Variants in KIAA1210 observed in about 807,000 individuals in gnomAD.
KIAA1210 encodes KIAA1210.
KIAA1210 carries 48 observed loss-of-function variants against 78.9 expected under a neutral mutation model. That is an observed-to-expected ratio of 0.61 (90% confidence interval 0.48 to 0.77). The LOEUF is 0.77. Among genes scored for constraint, KIAA1210 ranks in the 30% least tolerant of loss-of-function variants. The pLI, the probability that KIAA1210 is intolerant of heterozygous loss-of-function variation, is 0.00. For synonymous variants in KIAA1210, 406 were observed against 404.5 expected (o/e 1.00, Z -0.04); for missense variants, 1,108 against 1,100.0 (o/e 1.01, Z -0.10).
chrX:119,087,396 T>G lies in KIAA1210; in HGVS notation c.3306A>C (p.Ser1102=). ...PEDPQKVFSY[S]ERAPGKCSSF... ...TGCTGCACTTCCCAGGAGCTCTCTC[T>G]GAATAAGAGAAAACTTTCTGTGGGT... The change falls in exon 9 of 12, where the codon TCA becomes TCC. Residue 1102 remains serine, a synonymous_variant. Coordinates refer to ENST00000691062, the MANE Select transcript of KIAA1210 (RefSeq NM_001394962.1). 1 of 1,211,314 alleles carries G rather than the reference T, an allele frequency of 8.3e-7. No individual in the cohort carries two copies. The highest frequency in any genetic ancestry group is 1.1e-6 in the Non-Finnish European group (1 of 895,162).
chrX:119,144,450 G>A (rs757229450), intron 2 of KIAA1210, among the ~76,000 whole-genome samples: 6 of 112,327 alleles, frequency 5.3e-5, no homozygotes, highest in Non-Finnish European at 1.1e-4. Context: ...GTACTCTTCA[G>A]AGCACAACCC....
At chrX:119,092,675 T>G (rs761740364) in intron 8 of KIAA1210, among the ~76,000 whole-genome samples, 17 of 109,118 alleles carry the variant, frequency 1.6e-4, no homozygotes, top group East Asian at 5.7e-4. Flanking sequence ...GCAGGAGAAT[T>G]GCTTGAACTA....
intron 2 of KIAA1210, among the ~76,000 whole-genome samples, chrX:119,121,936 T>A (rs1928474496): frequency 9.4e-6 from 1 of 106,231 alleles, no homozygotes; most frequent in African/African-American, 3.4e-5. Flanking sequence ...GCCCAGCTAA[T>A]TTTTTGTATT....
Position 119,116,653 on chromosome X carries a change from A to G in KIAA1210, c.73T>C (p.Cys25Arg). 2.5e-6 allele frequency: 3 copies of G among 1,200,369 alleles called. No homozygotes were observed. The highest frequency in any genetic ancestry group is 1.8e-5 in the South Asian group (1 of 55,221). The change falls in exon 3 of 12, where the codon TGC becomes CGC. Residue 25 changes from cysteine (C) to arginine (R), a missense_variant. Transcript: ENST00000691062. ...AAGCTCTTAAGGGCTTTAAATTTGC[A>G]TTTCTTCTTTCCTGGAAGTGAAAAA... Reference protein sequence around the residue: ...LEAGDEGKKKCKFKALKSFFV... With the variant: ...LEAGDEGKKKRKFKALKSFFV...
intron 10 of KIAA1210, 89 bp downstream of exon 10, chrX:119,085,294 G>T: frequency 1.2e-6 from 1 of 827,437 alleles, no homozygotes; most frequent in Non-Finnish European, 1.7e-6. Context: ...GAGAGGGGGA[G>T]CTGCATGTTG....
intron 4 of KIAA1210, 63 bp from the exon 5 acceptor site, chrX:119,108,534 T>C: frequency 6.1e-6 from 7 of 1,142,424 alleles, no homozygotes; most frequent in Non-Finnish European, 8.2e-6. Flanking sequence ...CAGTGGAATG[T>C]TGCTGCCAAA....
At chrX:119,137,677 AT>A (rs1013798553) in intron 2 of KIAA1210, among the ~76,000 whole-genome samples, 26 of 111,903 alleles carry the variant, frequency 2.3e-4, no homozygotes, top group African/African-American at 7.5e-4. Flanking sequence ...ACATTATGAG[AT>A]TTTTTTTACA....
chrX:119,093,597 C>A, intron 8 of KIAA1210, 70 bp downstream of exon 8: 1 of 790,741 alleles, frequency 1.3e-6, no homozygotes. Flanking sequence ...GGGTATAGCT[C>A]CTATCAACAT....
At chrX:119,126,880 G>T (rs1316369054) in intron 1 of KIAA1210, among the ~76,000 whole-genome samples, 1 of 111,603 alleles carries the variant, frequency 9.0e-6, no homozygotes, top group Non-Finnish European at 1.9e-5. Context: ...AGACCAGCCT[G>T]GGCAACATGG....
rs943186920 is a variant in KIAA1210, at chrX:119,094,821, G to A, written c.847-1046C>T. 1.8e-4 allele frequency among the ~76,000 whole-genome samples: 20 copies of A among 111,305 alleles called. No individual in the cohort carries two copies. The Admixed American group carries it at 1.8e-3, about 10-fold the overall frequency. On this transcript the variant is annotated intron_variant, in intron 7 of 11. Coordinates refer to ENST00000691062, the MANE Select transcript of KIAA1210 (RefSeq NM_001394962.1). ...TGGCCTTCTCAGAGGGTAATGCCCGGGCTTTTTCTCAACTAGGCTATACAG... is the reference window on the plus strand; with the variant it reads ...TGGCCTTCTCAGAGGGTAATGCCCGAGCTTTTTCTCAACTAGGCTATACAG...
chrX:119,085,396 T>A lies in KIAA1210; in HGVS notation c.4307A>T (p.Glu1436Val), dbSNP rs1228276067. 8.3e-7 allele frequency: 1 copy of A among 1,209,710 alleles called. No individual in the cohort carries two copies. Among genetic ancestry groups the A allele is most frequent in the South Asian group, 1.8e-5 (1 of 56,382 alleles). Residue 1436 changes from glutamate to valine, a missense_variant, in exon 10 of 12, where the codon GAG (glutamate) becomes GTG (valine). Glu to Val is a moderately radical substitution (Grantham distance 121, BLOSUM62 -2). This residue lies in a region of KIAA1210 where 245 missense variants were observed against 278.8 expected (regional missense o/e 0.88). Transcript: ENST00000691062. ...CCCAGGTCCTACCTCATATTTAGGCTCCTTAGTCTCAGCATCGGCTCCAGC... is the reference window on the plus strand; with the variant it reads ...CCCAGGTCCTACCTCATATTTAGGCACCTTAGTCTCAGCATCGGCTCCAGC... ...SNAGADAETK[E>V]PKYEGAGSAN...
intron 5 of KIAA1210, 117 bp downstream of exon 5, chrX:119,108,220 G>T: frequency 1.5e-6 from 1 of 646,436 alleles, no homozygotes; most frequent in Non-Finnish European, 2.4e-6. Context: ...AAGGCCCAGA[G>T]AAGTTAATCA....
At chrX:119,137,676 GA>G (rs1463896624) in intron 2 of KIAA1210, among the ~76,000 whole-genome samples, 1 of 111,129 alleles carries the variant, frequency 9.0e-6, no homozygotes, top group Non-Finnish European at 1.9e-5. Flanking sequence ...AACATTATGA[GA>G]TTTTTTTTAC....
chrX:119,124,780 T>C (rs1351334531), intron 1 of KIAA1210, among the ~76,000 whole-genome samples: 1 of 110,171 alleles, frequency 9.1e-6, no homozygotes, highest in Non-Finnish European at 1.9e-5. Flanking sequence ...TCCCAGCTAC[T>C]AGGGAGGCTG....
rs766838126 is a variant in KIAA1210, at chrX:119,117,391, G to GTGTA, written c.62-728_62-727insTACA. 2.9e-5 allele frequency among the ~76,000 whole-genome samples: 3 copies of GTGTA among 103,286 alleles called. No individual in the cohort carries two copies. The East Asian group carries it at 9.6e-4, about 33-fold the overall frequency. 89.7% of individuals were successfully genotyped at this position (103,286 alleles called of 115,157 possible). A position where few individuals can be genotyped will look rare whatever the true frequency, so the allele number is the denominator to read the frequency against. On this transcript the variant is annotated intron_variant, in intron 2 of 11. Transcript: ENST00000691062. ...GGAGTGTGTGTGTGTGTGTGTGTGT[G>GTGTA]ATGATGATCATTGTGTGTGTTCTTC...
At chrX:119,124,664 G>A (rs1054687084) in intron 1 of KIAA1210, among the ~76,000 whole-genome samples, 5 of 111,970 alleles carry the variant, frequency 4.5e-5, no homozygotes, top group South Asian at 3.8e-4. Context: ...AAGGCAGGAG[G>A]ATCACTTGAG....
upstream of KIAA1210, among the ~76,000 whole-genome samples, chrX:119,131,646 T>C (rs1348376209): frequency 8.9e-6 from 1 of 112,852 alleles, no homozygotes; most frequent in African/African-American, 3.2e-5. Flanking sequence ...AGATCAAAGC[T>C]GCAGCAGATG....
At chrX:119,103,736 T>C (rs988298318) in intron 6 of KIAA1210, among the ~76,000 whole-genome samples, 1 of 112,394 alleles carries the variant, frequency 8.9e-6, no homozygotes, top group African/African-American at 3.2e-5. Context: ...CAAAATGTGG[T>C]ACATCCATAT....
At chrX:119,125,735 A>ATATATATATATATATATATATATATATTT (rs5903546) in intron 1 of KIAA1210, among the ~76,000 whole-genome samples, 1 of 15,792 alleles carries the variant, frequency 6.3e-5, no homozygotes, top group Non-Finnish European at 1.0e-4. Context: ...ATATATATAT[A>ATATATATATATATATATATATATATATTT]TTTTTTTTTT....
Sources: allele counts gnomAD v4.1 joint callset (sites outside exome capture counted in the v4.1 genomes callset), GRCh38; gene constraint gnomAD v4.1.1; regional missense constraint gnomAD v4.1.1; transcripts MANE v1.5; gene names NCBI Gene and HGNC (gene_info 2026-07-23, HGNC 2026-07-21).